HECW1: variants seen among roughly 807,000 people sequenced by gnomAD.
HECW1 encodes E3 ubiquitin-protein ligase HECW1.
A neutral mutation model predicts 182.3 loss-of-function variants in HECW1; 61 were observed. The observed-to-expected ratio is 0.33, with a 90% CI of 0.27 to 0.41. HECW1 has a LOEUF of 0.41. Ranked by LOEUF, HECW1 falls within the 10% of genes least tolerant of loss-of-function variation. The pLI is 1.00. For missense variants in HECW1, 1,739 were observed against 2,108.9 expected, an observed-to-expected ratio of 0.82 and a Z score of 3.44; for synonymous variants, 859 against 832.6, an observed-to-expected ratio of 1.03 and a Z score of -0.55.
At position 43,153,866 on chromosome 7, in the gene HECW1, C is replaced by A. The variant is rs139986042; in HGVS notation, c.-32+39475C>A. Among the ~76,000 whole-genome samples, 6 of 152,250 alleles carry A rather than the reference C, an allele frequency of 3.9e-5. No homozygotes were observed. The East Asian group carries it at 1.2e-3, about 29-fold the overall frequency. On this transcript the variant is annotated intron_variant, in intron 2 of 29. Transcript: ENST00000395891. ...GATAATATTTACTATTTTATTAGAA[C>A]AAGGCACTTCTAGGTACATGCCTGT...
At position 43,500,756 on chromosome 7, in the gene HECW1, T is replaced by C; in HGVS notation, c.3495T>C (p.Cys1165=). The part of the protein sequence containing the change: ...EGNHGLEKLS[C]DADLVILLSL... ...ATCACGGGCTTGAGAAGTTGTCCTGTGATGCGGATCTGGTCATTTTGCTGA... is the reference window on the plus strand; with the variant it reads ...ATCACGGGCTTGAGAAGTTGTCCTGCGATGCGGATCTGGTCATTTTGCTGA... Residue 1165 remains cysteine, a synonymous_variant, in exon 20 of 30, where the codon TGT becomes TGC. Coordinates refer to ENST00000395891, the MANE Select transcript of HECW1 (RefSeq NM_015052.5). The C allele has an allele frequency of 6.2e-7, 1 of 1,613,878 alleles. No individual in the cohort carries two copies. Among genetic ancestry groups the C allele is most frequent in the Non-Finnish European group, 8.5e-7 (1 of 1,179,782 alleles).
At chr7:43,333,081 G>A (rs1474049800) in intron 5 of HECW1, among the ~76,000 whole-genome samples, 2 of 152,216 alleles carry the variant, frequency 1.3e-5, no homozygotes, top group East Asian at 3.9e-4. Flanking sequence ...CAAAATTCTG[G>A]TCCCATAGAG....
At chr7:43,366,405 G>A (rs1322291006) in intron 6 of HECW1, among the ~76,000 whole-genome samples, 2 of 151,916 alleles carry the variant, frequency 1.3e-5, no homozygotes, top group Non-Finnish European at 2.9e-5. Flanking sequence ...TTTTTCTTGG[G>A]GATTTTAAAA....
In HECW1 at chr7:43,445,433, A is replaced by C. The variant is rs764580053; in HGVS notation, c.2261A>C (p.Gln754Pro). Residue 754 changes from glutamine to proline, a missense_variant, in exon 11 of 30, where the codon CAG becomes CCG. Around this residue, in one of 5 missense-constraint regions of HECW1, gnomAD observed 971 missense variants for 1,029.1 expected, o/e 0.94. Transcript: ENST00000395891. ...SAFESVPDSM[Q>P]SPELDPESTN... ...TTCGAGTCGGTACCCGACTCCATGCAGAGCCCTGAGCTGGACCCGGAGTCC... is the reference window on the plus strand; with the variant it reads ...TTCGAGTCGGTACCCGACTCCATGCCGAGCCCTGAGCTGGACCCGGAGTCC... The C allele has an allele frequency of 8.7e-6, 14 of 1,613,218 alleles. No individual in the cohort carries two copies. The highest frequency in any genetic ancestry group is 1.6e-4 in the Middle Eastern group (1 of 6,084).
intron 8 of HECW1, among the ~76,000 whole-genome samples, chr7:43,417,301 T>C (rs1473280655): frequency 2.0e-5 from 3 of 152,108 alleles, no homozygotes; most frequent in Non-Finnish European, 4.4e-5. Context: ...CCACCCGCCT[T>C]GATTTCCCAA....
chr7:43,341,196 A>G (rs1020462426), intron 5 of HECW1, among the ~76,000 whole-genome samples: 1 of 151,566 alleles, frequency 6.6e-6, no homozygotes, highest in Non-Finnish European at 1.5e-5. Context: ...GCATTAGGTG[A>G]AATATCTAAT....
At chr7:43,300,868 C>G (rs1047441060) in intron 3 of HECW1, among the ~76,000 whole-genome samples, 11 of 152,294 alleles carry the variant, frequency 7.2e-5, no homozygotes, top group African/African-American at 2.2e-4. Context: ...GATGTGAGAG[C>G]TGCACACTGT....
rs376310181 is a variant in HECW1 at position 43,486,196 on chromosome 7, C to T, written c.3235-5879C>T. Among the ~76,000 whole-genome samples the T allele has an allele frequency of 2.5e-4, 38 of 152,284 alleles. No homozygotes were observed. The South Asian group carries it at 6.2e-3, about 25-fold the overall frequency. ...TCCATGTCCCTGCCAAGGACACGAACTCATCCTTTATTATGGCTGCATAGT... is the reference window on the plus strand; with the variant it reads ...TCCATGTCCCTGCCAAGGACACGAATTCATCCTTTATTATGGCTGCATAGT... On this transcript the variant is annotated intron_variant, in intron 17 of 29. Transcript: ENST00000395891.
chr7:43,125,135 G>A (rs887977660), intron 2 of HECW1, among the ~76,000 whole-genome samples: 1 of 152,102 alleles, frequency 6.6e-6, no homozygotes, highest in African/African-American at 2.4e-5. Flanking sequence ...GAGCATTCTG[G>A]GGCCTCTTTT....
intron 3 of HECW1, among the ~76,000 whole-genome samples, chr7:43,258,376 A>T (rs1455798141): frequency 6.6e-6 from 1 of 151,800 alleles, no homozygotes; most frequent in East Asian, 1.9e-4. Flanking sequence ...TAAAAAAATA[A>T]AAAAAAAGAA....
chr7:43,142,351 A>G (rs1435757419), intron 2 of HECW1, among the ~76,000 whole-genome samples: 2 of 152,144 alleles, frequency 1.3e-5, no homozygotes, highest in East Asian at 1.9e-4. Context: ...GTGTTCCCCT[A>G]GGGCAGCTTT....
intron 3 of HECW1, among the ~76,000 whole-genome samples, chr7:43,302,017 C>T (rs1806876861): frequency 6.6e-6 from 1 of 152,164 alleles, no homozygotes; most frequent in South Asian, 2.1e-4. Flanking sequence ...TCCTCCATGA[C>T]AAATGATAAC....
At chr7:43,546,664 A>G (rs1382511930) in intron 26 of HECW1, among the ~76,000 whole-genome samples, 2 of 151,942 alleles carry the variant, frequency 1.3e-5, no homozygotes, top group Non-Finnish European at 2.9e-5. Context: ...CTTTCTGGCA[A>G]GGTACTTCCT....
chr7:43,371,988 T>A (rs2152820339), intron 6 of HECW1, among the ~76,000 whole-genome samples: 1 of 152,050 alleles, frequency 6.6e-6, no homozygotes. Flanking sequence ...CCCCGCTAAT[T>A]TTTTTGTATT....
chr7:43,180,239 T>C (rs1792695623), intron 2 of HECW1, among the ~76,000 whole-genome samples: 1 of 152,262 alleles, frequency 6.6e-6, no homozygotes, highest in Non-Finnish European at 1.5e-5. Flanking sequence ...TTCACTGCAC[T>C]GTGGCTCCTG....
intron 27 of HECW1, among the ~76,000 whole-genome samples, chr7:43,551,948 G>A (rs905329180): frequency 1.1e-4 from 17 of 148,756 alleles, no homozygotes; most frequent in African/African-American, 4.2e-4. Flanking sequence ...TTTAATAAAA[G>A]CATGAAGCTC....
intron 24 of HECW1, chr7:43,511,843 C>A (rs207467820): frequency 5.5e-6 from 1 of 180,786 alleles, no homozygotes; most frequent in Non-Finnish European, 1.2e-5. Flanking sequence ...CTAGGAGAGC[C>A]CAGATCTGGT....
chr7:43,517,111 T>A (rs2080193547), intron 24 of HECW1, among the ~76,000 whole-genome samples: 1 of 152,166 alleles, frequency 6.6e-6, no homozygotes, highest in Non-Finnish European at 1.5e-5. Flanking sequence ...GAGTCACTCT[T>A]TACATAATTG....
At position 43,237,636 on chromosome 7, in the gene HECW1, A is replaced by G. The variant is rs540079488; in HGVS notation, c.-31-6239A>G. On this transcript the variant is annotated intron_variant, in intron 2 of 29. Transcript: ENST00000395891. The stretch of plus-strand genomic sequence containing the variant: ...GGGTTAATATGTGTAAAGCAAGATG[A>G]GCATTTACCATTGTATCTGCAGCTC... Among the ~76,000 whole-genome samples the G allele has an allele frequency of 3.9e-5, 6 of 152,346 alleles. No homozygotes were observed. The East Asian group carries it at 1.2e-3, about 29-fold the overall frequency.
Sources: gnomAD v4.1 joint callset for allele counts (sites outside exome capture counted in the v4.1 genomes callset) on GRCh38, gnomAD v4.1.1 for gene constraint, gnomAD v4.1.1 regional missense constraint, MANE v1.5 for transcripts, NCBI Gene and HGNC (gene_info 2026-07-23, HGNC 2026-07-21) for gene names.